The following RUFY1 variants were observed in gnomAD, a reference collection of about 807,000 sequenced individuals.
RUFY1 encodes RUN and FYVE domain containing 1.
A neutral mutation model predicts 94.6 loss-of-function variants in RUFY1; 54 were observed. The ratio of observed to expected loss-of-function variants is 0.57; its 90% CI spans 0.46 to 0.72. The LOEUF (loss-of-function observed/expected upper bound fraction) is 0.72. RUFY1 is among the 30% of genes least tolerant of loss of function. The probability of loss-of-function intolerance (pLI) is 0.00; values close to 1 mark genes in which losing one functional copy is unlikely to be tolerated. For missense variants in RUFY1, 883 were observed against 883.9 expected (o/e 1.00, Z 0.01); for synonymous variants, 396 against 347.3 (o/e 1.14, Z -1.56).
At chr5:179,584,028 G>A (rs7710813) in intron 7 of RUFY1, among the ~76,000 whole-genome samples, 55,892 of 152,100 alleles carry the variant, frequency 0.37, 11,429 homozygotes, top group Non-Finnish European at 0.48. Context: ...GATTACAGGC[G>A]TGAGCCACCA....
intron 5 of RUFY1, among the ~76,000 whole-genome samples, chr5:179,575,796 T>C (rs1473769853): frequency 6.6e-6 from 1 of 152,162 alleles, no homozygotes; most frequent in Non-Finnish European, 1.5e-5. Flanking sequence ...TTTTTTGTTT[T>C]GTTTTGGCAG....
At chr5:179,580,296 G>T (rs1764036928) in intron 6 of RUFY1, among the ~76,000 whole-genome samples, 1 of 147,176 alleles carries the variant, frequency 6.8e-6, no homozygotes, top group Admixed American at 6.9e-5. Context: ...AGGCTGGAGT[G>T]CAGTGGCGCC....
chr5:179,608,920 CAAAA>C (rs57127812), intron 17 of RUFY1, among the ~76,000 whole-genome samples: 11,379 of 121,810 alleles, frequency 0.093, 464 homozygotes, highest in South Asian at 0.13. Flanking sequence ...GACAGAGACT[CAAAA>C]AAAAAAAAAA....
intron 13 of RUFY1, among the ~76,000 whole-genome samples, chr5:179,597,569 G>T (rs903450158): frequency 2.0e-5 from 3 of 152,042 alleles, no homozygotes; most frequent in Non-Finnish European, 4.4e-5. Flanking sequence ...ACAGGGTTTT[G>T]CCATGTTGGC....
chr5:179,606,315 T>C (rs1001025496), intron 16 of RUFY1: 2 of 226,362 alleles, frequency 8.8e-6, no homozygotes, highest in East Asian at 2.9e-4. Flanking sequence ...CCTGTGCCAT[T>C]GCTAGGGACC....
intron 9 of RUFY1, among the ~76,000 whole-genome samples, chr5:179,590,308 C>T (rs913704085): frequency 2.0e-5 from 3 of 150,184 alleles, no homozygotes; most frequent in Non-Finnish European, 3.0e-5. Context: ...GAGCTGAGAT[C>T]GCGCCACTGC....
intron 6 of RUFY1, among the ~76,000 whole-genome samples, chr5:179,579,657 C>CTTTTTTTGTTTTTTTTTTT (rs1763945195): frequency 2.0e-5 from 1 of 50,548 alleles, no homozygotes; most frequent in African/African-American, 6.1e-5. Context: ...TTTTCTTCTT[C>CTTTTTTTGTTTTTTTTTTT]TTTTTTTTTT....
At chr5:179,577,777 G>C (rs1217218683) in intron 6 of RUFY1, among the ~76,000 whole-genome samples, 1 of 151,678 alleles carries the variant, frequency 6.6e-6, no homozygotes, top group Non-Finnish European at 1.5e-5. Flanking sequence ...CGGCGGAGGC[G>C]GTGGGAGCGC....
chr5:179,559,798 G>A (rs1762297106), intron 1 of RUFY1: 1 of 1,290,762 alleles, frequency 7.7e-7, no homozygotes, highest in Non-Finnish European at 9.8e-7. Context: ...GGAGCAGGAG[G>A]CCCAGTGGCT....
At chr5:179,586,032 G>A (rs558491766) in intron 8 of RUFY1, among the ~76,000 whole-genome samples, 167 bp downstream of exon 8, 1 of 152,160 alleles carries the variant, frequency 6.6e-6, no homozygotes, top group African/African-American at 2.4e-5. Flanking sequence ...TGCTCTGTCC[G>A]AGGCTCCCAG....
chr5:179,592,126 G>T (rs1211059225), intron 10 of RUFY1, among the ~76,000 whole-genome samples: 1 of 147,538 alleles, frequency 6.8e-6, no homozygotes, highest in Non-Finnish European at 1.5e-5. Flanking sequence ...TTGGTTTTTG[G>T]TTTTTTTTTT....
Position 179,585,783 on chromosome 5 carries a change from T to C in RUFY1, c.957-13T>C. Reference sequence around the variant, plus strand: ...ATAAGTTTATGTTTACTTAATATTCTTATTTTCTACAGCTGCACAGTTGGG... The same window carrying C: ...ATAAGTTTATGTTTACTTAATATTCCTATTTTCTACAGCTGCACAGTTGGG... On this transcript the variant is annotated splice_polypyrimidine_tract_variant and intron_variant, in intron 7 of 17. Coordinates refer to ENST00000319449, the MANE Select transcript of RUFY1 (RefSeq NM_025158.5). 6.3e-7 allele frequency: 1 copy of C among 1,597,176 alleles called. No homozygotes were observed. The highest frequency in any genetic ancestry group is 8.6e-7 in the Non-Finnish European group (1 of 1,164,966).
intron 10 of RUFY1, 37 bp downstream of exon 10, chr5:179,591,778 TC>T (rs752842270): frequency 1.9e-5 from 23 of 1,199,372 alleles, no homozygotes; most frequent in Non-Finnish European, 2.8e-5. Flanking sequence ...AGAAAGAGTT[TC>T]CCCGTAGTGT....
At chr5:179,604,125 CA>C (rs888106764) in intron 15 of RUFY1, among the ~76,000 whole-genome samples, 1 of 152,156 alleles carries the variant, frequency 6.6e-6, no homozygotes, top group Non-Finnish European at 1.5e-5. Flanking sequence ...ACCTAGCTTC[CA>C]AATCCCAGTG....
At position 179,593,535 on chromosome 5, in the gene RUFY1, A is replaced by G. The variant is rs745473781; in HGVS notation, c.1303A>G (p.Met435Val). 4 of 1,613,926 alleles carry G rather than the reference A, an allele frequency of 2.5e-6. No individual in the cohort carries two copies. The highest frequency in any genetic ancestry group is 1.3e-5 in the African/African-American group (1 of 75,068). ...IGMKTEMEIA[M>V]KLLEKDTHEK... Reference sequence around the variant, plus strand: ...AATGAAAACCGAAATGGAAATTGCAATGAAGTTACTGGAAAAGGACACCCA... The same window carrying G: ...AATGAAAACCGAAATGGAAATTGCAGTGAAGTTACTGGAAAAGGACACCCA... The change falls in exon 11 of 18, where the codon ATG becomes GTG. Residue 435 changes from methionine to valine, a missense_variant. Transcript: ENST00000319449.
intron 4 of RUFY1, among the ~76,000 whole-genome samples, chr5:179,567,870 C>T (rs1176045337): frequency 6.6e-6 from 1 of 152,078 alleles, no homozygotes; most frequent in Non-Finnish European, 1.5e-5. Context: ...CGCCACTGCA[C>T]TCCAGCCTGG....
Position 179,567,556 on chromosome 5 carries a change from T to G in RUFY1, c.698T>G (p.Leu233Arg), listed in dbSNP as rs769453179. 49 of 1,597,512 alleles carry G rather than the reference T, an allele frequency of 3.1e-5. No individual in the cohort carries two copies. The Admixed American group carries it at 8.2e-4, about 27-fold the overall frequency. The change falls in exon 4 of 18, where the codon CTC becomes CGC. Residue 233 changes from leucine (L) to arginine (R), a missense_variant. Physicochemically the swap from Leu to Arg is moderately radical, Grantham distance 102. Coordinates refer to ENST00000319449, the MANE Select transcript of RUFY1 (RefSeq NM_025158.5). ...AAAGTGCTTATAGACAATAAACATCTCTTAAGGTATTTCATCAACCATGTT... is the reference window on the plus strand; with the variant it reads ...AAAGTGCTTATAGACAATAAACATCGCTTAAGGTATTTCATCAACCATGTT... ...YLKVLIDNKH[L>R]LSEFYEPEAL...
chr5:179,552,798 TAA>T (rs1453027858), intron 1 of RUFY1, among the ~76,000 whole-genome samples: 1 of 152,210 alleles, frequency 6.6e-6, no homozygotes, highest in Non-Finnish European at 1.5e-5. Flanking sequence ...CACAGAATAA[TAA>T]GTGTTTGCTG....
chr5:179,552,674 T>C (rs1029207644), intron 1 of RUFY1, among the ~76,000 whole-genome samples: 8 of 152,164 alleles, frequency 5.3e-5, no homozygotes, highest in African/African-American at 1.9e-4. Flanking sequence ...CTCTTAGATA[T>C]TTCGTGGCAG....
Sources: gnomAD v4.1 joint callset for allele counts (sites outside exome capture counted in the v4.1 genomes callset) on GRCh38, gnomAD v4.1.1 for gene constraint, MANE v1.5 for transcripts, NCBI Gene and HGNC (gene_info 2026-07-23, HGNC 2026-07-21) for gene names.